The following TFDP1 variants were observed in gnomAD, a reference collection of about 807,000 sequenced individuals.
TFDP1 encodes transcription factor Dp-1.
Under a neutral mutation model 48.0 loss-of-function variants are expected in TFDP1, and 6 were observed. That is an observed-to-expected ratio of 0.13 (90% confidence interval 0.07 to 0.25). The LOEUF (loss-of-function observed/expected upper bound fraction) is 0.25, where lower values mean the gene tolerates loss of function less well. Among genes scored for constraint, TFDP1 ranks in the 10% least tolerant of loss-of-function variants. TFDP1 has a pLI of 1.00. For missense variants in TFDP1, 335 were observed against 543.0 expected (o/e 0.62, Z 3.81); for synonymous variants, 201 against 211.6 (o/e 0.95, Z 0.44).
chr13:113,621,043 G>A (rs1241630668), intron 3 of TFDP1, among the ~76,000 whole-genome samples: 1 of 152,214 alleles, frequency 6.6e-6, no homozygotes, highest in Non-Finnish European at 1.5e-5. Context: ...AGCAGTAGAT[G>A]TTTTAAAAAT....
chr13:113,627,087 A>C lies in TFDP1; in HGVS notation c.186+3801A>C, dbSNP rs919935524. Among the ~76,000 whole-genome samples, 1 of 152,232 alleles carries C rather than the reference A, an allele frequency of 6.6e-6. No homozygotes were observed. Among genetic ancestry groups the C allele is most frequent in the Non-Finnish European group, 1.5e-5 (1 of 68,042 alleles). ...TGGGAATTAAAGCTGACAAAGGGCA[A>C]ATGTTTCTTAAACCTTTTTATATAC... On this transcript the variant is annotated intron_variant, in intron 4 of 11. Coordinates refer to ENST00000375370, the MANE Select transcript of TFDP1 (RefSeq NM_007111.5). The surrounding 1 kb of genome is among the most constrained non-coding windows in gnomAD (Gnocchi z 4.1).
chr13:113,639,424 T>C (rs899245360), intron 11 of TFDP1, among the ~76,000 whole-genome samples: 2 of 152,234 alleles, frequency 1.3e-5, no homozygotes, highest in African/African-American at 4.8e-5. Flanking sequence ...TCTAGGTAGT[T>C]CCCAGTTAGA....
At chr13:113,619,394 G>A (rs1306088197) in intron 3 of TFDP1, among the ~76,000 whole-genome samples, 2 of 151,540 alleles carry the variant, frequency 1.3e-5, no homozygotes, top group Admixed American at 6.6e-5. Context: ...TCGCTGGAAC[G>A]CGGGAGGCGG....
chr13:113,626,151 C>T (rs1184156699), intron 4 of TFDP1, among the ~76,000 whole-genome samples: 2 of 151,976 alleles, frequency 1.3e-5, no homozygotes, highest in African/African-American at 4.8e-5. Context: ...AGGTGTCTCT[C>T]AGGTGTCCCC....
chr13:113,599,370 C>T (rs1434011211), intron 2 of TFDP1, among the ~76,000 whole-genome samples: 2 of 152,186 alleles, frequency 1.3e-5, no homozygotes, highest in Non-Finnish European at 2.9e-5. Flanking sequence ...GTCATTCACT[C>T]TTATTGTCAC....
chr13:113,591,621 T>TA (rs898848305), intron 2 of TFDP1, among the ~76,000 whole-genome samples: 3 of 152,198 alleles, frequency 2.0e-5, no homozygotes, highest in Admixed American at 2.0e-4. Flanking sequence ...GTATTTACAT[T>TA]AAAAAATACT....
At chr13:113,586,821 T>C (rs1203161313) in intron 2 of TFDP1, among the ~76,000 whole-genome samples, 1 of 152,180 alleles carries the variant, frequency 6.6e-6, no homozygotes, top group East Asian at 1.9e-4. Context: ...AGAGAGGGTG[T>C]GTGAGCACCC....
Position 113,636,806 on chromosome 13 carries a change from C to T in TFDP1, c.1006+106C>T, listed in dbSNP as rs901422017. The T allele has an allele frequency of 5.9e-6, 8 of 1,351,104 alleles. 1 individual carries two copies. Among genetic ancestry groups the T allele is most frequent in the Admixed American group, 2.4e-5 (1 of 40,968 alleles). 83.7% of individuals were successfully genotyped at this position (1,351,104 alleles called of 1,614,324 possible). ...GGGATGTGTCTTGCTGAGATCAGGC[C>T]CACGTGTGTAGGGCCAGGAGCAAAG... On this transcript the variant is annotated intron_variant, in intron 10 of 11. Coordinates refer to ENST00000375370, the MANE Select transcript of TFDP1 (RefSeq NM_007111.5).
rs4150782 is a variant in TFDP1, at chr13:113,632,524, C to T, written c.309-596C>T. ...TTAGAAAAGTGGTGCTTGGGGCTCACGCCTGTAATCCTAGAGGCCGAGGCC... is the reference window on the plus strand; with the variant it reads ...TTAGAAAAGTGGTGCTTGGGGCTCATGCCTGTAATCCTAGAGGCCGAGGCC... On this transcript the variant is annotated intron_variant, in intron 5 of 11. Transcript: ENST00000375370. Among the ~76,000 whole-genome samples, 639 of 152,190 alleles carry T rather than the reference C, an allele frequency of 4.2e-3. 2 individuals are homozygous for T. The highest frequency in any genetic ancestry group is 0.014 in the African/African-American group (599 of 41,518).
At chr13:113,586,458 C>T (rs572487445) in intron 2 of TFDP1, among the ~76,000 whole-genome samples, 5 of 152,246 alleles carry the variant, frequency 3.3e-5, no homozygotes, top group African/African-American at 1.2e-4. Context: ...TTTTTAAAGC[C>T]AGAAATTTAG....
At chr13:113,619,260 G>A (rs968892465) in intron 3 of TFDP1, among the ~76,000 whole-genome samples, 2 of 152,128 alleles carry the variant, frequency 1.3e-5, no homozygotes, top group Non-Finnish European at 2.9e-5. Context: ...ATCACCAGAG[G>A]TCAGGCGTTC....
intron 8 of TFDP1, among the ~76,000 whole-genome samples, chr13:113,635,729 A>C (rs1191185111): frequency 6.6e-6 from 1 of 152,094 alleles, no homozygotes; most frequent in East Asian, 1.9e-4. Flanking sequence ...CGTGGAGGAC[A>C]CTTTTATCAG....
At chr13:113,594,010 G>A (rs986589414) in intron 2 of TFDP1, among the ~76,000 whole-genome samples, 4 of 144,412 alleles carry the variant, frequency 2.8e-5, no homozygotes, top group Non-Finnish European at 6.0e-5. Context: ...CCCTGCCCAG[G>A]TGACAGTTGT....
rs576898338 is a variant in TFDP1, at chr13:113,600,481, C to G, written c.13-10515C>G. Among the ~76,000 whole-genome samples the G allele has an allele frequency of 2.7e-5, 4 of 150,364 alleles. 1 individual carries two copies. In the Middle Eastern group the frequency reaches 0.014, roughly 545 times the overall value. On this transcript the variant is annotated intron_variant, in intron 2 of 11. Transcript: ENST00000375370. Reference sequence around the variant, plus strand: ...AGGACTGCAAGAGAGAACCCAGAACCATGAGAGAGAATCCTTGTACGTAGG... The same window carrying G: ...AGGACTGCAAGAGAGAACCCAGAACGATGAGAGAGAATCCTTGTACGTAGG...
intron 10 of TFDP1, among the ~76,000 whole-genome samples, chr13:113,636,925 A>G (rs4150813): frequency 0.49 from 73,994 of 152,082 alleles, 20,028 homozygotes; most frequent in African/African-American, 0.73. Flanking sequence ...CCTTGAGTCC[A>G]CAGGTGGCTC....
intron 9 of TFDP1, 117 bp downstream of exon 9, chr13:113,636,245 C>A: frequency 1.4e-6 from 2 of 1,380,308 alleles, no homozygotes; most frequent in Admixed American, 2.0e-5. Context: ...AAATGTTGCA[C>A]AAATTGCTGT....
intron 2 of TFDP1, among the ~76,000 whole-genome samples, chr13:113,595,936 G>T (rs2048278442): frequency 6.6e-6 from 1 of 152,220 alleles, no homozygotes; most frequent in Non-Finnish European, 1.5e-5. Context: ...CAAAAAGTTA[G>T]CTGGGCGTGG....
At chr13:113,622,489 GTTTC>G (rs1219441718) in intron 3 of TFDP1, among the ~76,000 whole-genome samples, 1 of 152,190 alleles carries the variant, frequency 6.6e-6, no homozygotes, top group African/African-American at 2.4e-5. Context: ...CTGGTTTACG[GTTTC>G]TTTGTTTAGT....
At chr13:113,628,153 C>T (rs184155339) in intron 4 of TFDP1, among the ~76,000 whole-genome samples, 76 of 151,420 alleles carry the variant, frequency 5.0e-4, no homozygotes, top group African/African-American at 1.6e-3. Context: ...TGTCTGGAGC[C>T]GTGTAAAGAC....
Sources: gnomAD v4.1 joint callset for allele counts (sites outside exome capture counted in the v4.1 genomes callset) on GRCh38, gnomAD v4.1.1 for gene constraint, Gnocchi (gnomAD v3.1) non-coding constraint, MANE v1.5 for transcripts, NCBI Gene and HGNC (gene_info 2026-07-23, HGNC 2026-07-21) for gene names.